Variants in MCTP1 observed in about 807,000 individuals in gnomAD.
MCTP1 encodes the protein multiple C2 and transmembrane domain containing 1.
Under a neutral mutation model 120.6 loss-of-function variants are expected in MCTP1, and 69 were observed. That is an observed-to-expected ratio of 0.57 (90% CI 0.47 to 0.70). The LOEUF is 0.70. Among genes scored for constraint, MCTP1 ranks in the 30% least tolerant of loss-of-function variants. The probability of loss-of-function intolerance (pLI) is 0.00; values close to 1 mark genes in which losing one functional copy is unlikely to be tolerated. For missense variants in MCTP1, 1,203 were observed against 1,248.8 expected (o/e 0.96, Z 0.55); for synonymous variants, 529 against 493.1 (o/e 1.07, Z -0.96).
At chr5:94,758,227 AATGG>A (rs1459792435) in intron 19 of MCTP1, among the ~76,000 whole-genome samples, 2 of 152,266 alleles carry the variant, frequency 1.3e-5, no homozygotes, top group African/African-American at 4.8e-5. Flanking sequence ...TATATGAACA[AATGG>A]ATGAATTGAA....
chr5:95,231,850 T>C (rs1754985609), intron 1 of MCTP1, among the ~76,000 whole-genome samples: 1 of 152,158 alleles, frequency 6.6e-6, no homozygotes, highest in African/African-American at 2.4e-5. Context: ...AGTATACTAT[T>C]GTAAGGTTCT....
intron 12 of MCTP1, among the ~76,000 whole-genome samples, chr5:94,884,962 G>A (rs1459290864): frequency 1.3e-5 from 2 of 152,146 alleles, no homozygotes; most frequent in East Asian, 3.9e-4. Context: ...TCCAGACTAC[G>A]GGGCTGGCAA....
chr5:95,277,287 G>A lies in MCTP1; in HGVS notation c.720+6569C>T, dbSNP rs559956952. 4.6e-5 allele frequency among the ~76,000 whole-genome samples: 7 copies of A among 152,198 alleles called. No individual in the cohort carries two copies. In the East Asian group the frequency reaches 1.2e-3, roughly 25 times the overall value. ...AGCACAATATGGCAGCCACTTAGTA[G>A]GTACCACATCCTCCCCTCACCAGGC... is the stretch of plus-strand genomic sequence containing the variant. On this transcript the variant is annotated intron_variant, in intron 1 of 22. Transcript: ENST00000515393.
intron 2 of MCTP1, among the ~76,000 whole-genome samples, chr5:94,999,633 T>A (rs1407140360): frequency 6.6e-6 from 1 of 152,172 alleles, no homozygotes; most frequent in Non-Finnish European, 1.5e-5. Flanking sequence ...CACTTCAGCA[T>A]AATTAAACAA....
intron 19 of MCTP1, among the ~76,000 whole-genome samples, chr5:94,737,044 G>A (rs578110284): frequency 4.6e-5 from 7 of 152,234 alleles, no homozygotes; most frequent in South Asian, 2.1e-4. Context: ...CTGCAGTGCC[G>A]TGGCAATGAT....
At chr5:94,947,039 A>C (rs1581498640) in intron 3 of MCTP1, among the ~76,000 whole-genome samples, 1 of 152,034 alleles carries the variant, frequency 6.6e-6, no homozygotes, top group East Asian at 1.9e-4. Flanking sequence ...CTTTGTTTTG[A>C]ACTTTATTTC....
chr5:94,932,281 T>C (rs1313796709), intron 5 of MCTP1, among the ~76,000 whole-genome samples: 2 of 150,372 alleles, frequency 1.3e-5, no homozygotes, highest in African/African-American at 2.4e-5. Flanking sequence ...AAAAAACACA[T>C]TGAGTCTCAT....
intron 3 of MCTP1, among the ~76,000 whole-genome samples, chr5:94,951,977 G>C (rs1312342321): frequency 6.6e-6 from 1 of 151,960 alleles, no homozygotes; most frequent in Non-Finnish European, 1.5e-5. Context: ...TTCAAGACCA[G>C]CCTGGCCAGC....
chr5:94,758,276 T>C (rs255333), intron 19 of MCTP1, among the ~76,000 whole-genome samples: 38,170 of 152,140 alleles, frequency 0.25, 5,453 homozygotes, highest in East Asian at 0.38. Context: ...AAAAGTACTA[T>C]ATCTTGATTT....
At chr5:94,991,871 C>T (rs1035366201) in intron 2 of MCTP1, among the ~76,000 whole-genome samples, 1 of 82,912 alleles carries the variant, frequency 1.2e-5, no homozygotes, top group Non-Finnish European at 2.4e-5. Context: ...GAGTGAAACT[C>T]CATCTCAAAA....
At chr5:95,185,576 A>G (rs1419558198) in intron 1 of MCTP1, among the ~76,000 whole-genome samples, 2 of 152,212 alleles carry the variant, frequency 1.3e-5, no homozygotes, top group Non-Finnish European at 2.9e-5. Context: ...TAAGGTCAGG[A>G]GTTGGAGACC....
intron 2 of MCTP1, among the ~76,000 whole-genome samples, chr5:94,988,966 T>C (rs1385167073): frequency 1.3e-5 from 2 of 152,160 alleles, no homozygotes; most frequent in Non-Finnish European, 1.5e-5. Flanking sequence ...ACCACCCCCA[T>C]GATTCAACTA....
intron 1 of MCTP1, among the ~76,000 whole-genome samples, chr5:95,202,410 T>C (rs1751166202): frequency 6.6e-6 from 1 of 152,218 alleles, no homozygotes. Context: ...TTCTCCAGTT[T>C]GCAAATGGTC....
At chr5:95,249,747 G>A (rs764734653) in intron 1 of MCTP1, among the ~76,000 whole-genome samples, 11 of 152,102 alleles carry the variant, frequency 7.2e-5, no homozygotes, top group Non-Finnish European at 1.2e-4. Flanking sequence ...GCAAAGACTC[G>A]GAATGATCCC....
intron 19 of MCTP1, among the ~76,000 whole-genome samples, chr5:94,760,038 T>C (rs544084436): frequency 7.2e-6 from 1 of 138,760 alleles, no homozygotes; most frequent in Non-Finnish European, 1.5e-5. Flanking sequence ...TGCTTACAAA[T>C]AACTTATCTG....
At chr5:94,726,834 C>T (rs10076188) in intron 19 of MCTP1, among the ~76,000 whole-genome samples, 40,244 of 151,906 alleles carry the variant, frequency 0.26, 5,788 homozygotes, top group African/African-American at 0.32. Flanking sequence ...AAAAAGTTGT[C>T]GAGTCCCATA....
At chr5:94,893,026 GA>G (rs1425683894) in intron 11 of MCTP1, among the ~76,000 whole-genome samples, 11 of 151,940 alleles carry the variant, frequency 7.2e-5, no homozygotes, top group African/African-American at 1.9e-4. Context: ...ATTCAAGGCT[GA>G]AAAAAAGTAT....
At chr5:95,052,831 TA>T (rs1324001810) in intron 1 of MCTP1, among the ~76,000 whole-genome samples, 1 of 152,226 alleles carries the variant, frequency 6.6e-6, no homozygotes, top group Non-Finnish European at 1.5e-5. Flanking sequence ...AAGCTTGTTT[TA>T]AAAAATAAGA....
rs948806711 is a variant in MCTP1 at position 94,706,355 on chromosome 5, A to T, written c.*1141T>A. The stretch of plus-strand genomic sequence containing the variant: ...GCAATTTTTAAGTATAGATTCTATG[A>T]TAATAGTGAAACATTGATAAAGGCA... On this transcript the variant is annotated 3_prime_UTR_variant, in exon 23 of 23. Coordinates refer to ENST00000515393, the MANE Select transcript of MCTP1 (RefSeq NM_024717.7). 1 of 151,674 alleles carries T rather than the reference A, an allele frequency of 6.6e-6. No individual in the cohort carries two copies. Among genetic ancestry groups the T allele is most frequent in the Non-Finnish European group, 1.5e-5 (1 of 67,756 alleles). 9.4% of individuals were successfully genotyped at this position (151,674 alleles called of 1,614,324 possible). A position where few individuals can be genotyped will look rare whatever the true frequency, so the allele number is the denominator to read the frequency against.
Sources: allele counts gnomAD v4.1 joint callset (sites outside exome capture counted in the v4.1 genomes callset), GRCh38; gene constraint gnomAD v4.1.1; transcripts MANE v1.5; gene names NCBI Gene and HGNC (gene_info 2026-07-23, HGNC 2026-07-21).